Variants in PCSK5 observed in about 807,000 individuals in gnomAD.
PCSK5 encodes the protein proprotein convertase subtilisin/kexin type 5.
A neutral mutation model predicts 233.2 loss-of-function variants in PCSK5; 129 were observed. The observed-to-expected ratio is 0.55, with a 90% confidence interval of 0.48 to 0.64. The LOEUF is 0.64. Among genes scored for constraint, PCSK5 ranks in the 30% least tolerant of loss-of-function variants. The pLI is 0.00. For missense variants in PCSK5, 2,076 were observed against 2,430.1 expected (o/e 0.85, Z 3.06); for synonymous variants, 825 against 879.2 (o/e 0.94, Z 1.09).
chr9:76,350,228 A>C (rs917299877), intron 35 of PCSK5, among the ~76,000 whole-genome samples: 3 of 152,224 alleles, frequency 2.0e-5, no homozygotes, highest in Admixed American at 6.5e-5. Context: ...TCTGGGCCTT[A>C]GTTTTCATTT....
At chr9:76,310,077 G>A (rs553999455) in intron 29 of PCSK5, among the ~76,000 whole-genome samples, 2 of 152,046 alleles carry the variant, frequency 1.3e-5, no homozygotes, top group South Asian at 2.1e-4. Flanking sequence ...GTGAAACCCC[G>A]TGTCTACTAA....
intron 9 of PCSK5, among the ~76,000 whole-genome samples, chr9:76,125,043 A>G (rs10119550): frequency 0.016 from 2,351 of 151,262 alleles, 63 homozygotes; most frequent in African/African-American, 0.054. Flanking sequence ...TCCTTTCCCT[A>G]TACTCTCCTC....
At chr9:76,020,447 A>G (rs1169687196) in intron 3 of PCSK5, among the ~76,000 whole-genome samples, 2 of 152,182 alleles carry the variant, frequency 1.3e-5, no homozygotes, top group East Asian at 3.8e-4. Flanking sequence ...CAGGGTTCTG[A>G]TTTAAATGCC....
chr9:75,951,771 A>G lies in PCSK5; in HGVS notation c.297+19288A>G, dbSNP rs183789990. ...ATAAAATAAATAACAATAAAATTAA[A>G]AACAAAAATACAGTGTAACAACTAT... is the stretch of plus-strand genomic sequence containing the variant. On this transcript the variant is annotated intron_variant, in intron 2 of 37. Transcript: ENST00000674117. Among the ~76,000 whole-genome samples the G allele has an allele frequency of 5.9e-5, 9 of 152,220 alleles. No homozygotes were observed. The East Asian group carries it at 1.7e-3, about 29-fold the overall frequency.
Position 76,231,612 on chromosome 9 carries a change from TTTTG to T in PCSK5, c.2730-1833_2730-1830del, listed in dbSNP as rs749617334. ...TTTCTTATAGAAAGATTTTGGGTTT[TTTTG>T]TTTGTTTGTTTGTTCATTTTAAACT... is the stretch of plus-strand genomic sequence containing the variant. On this transcript the variant is annotated intron_variant, in intron 21 of 37. Transcript: ENST00000674117. Among the ~76,000 whole-genome samples, 39 of 152,322 alleles carry T rather than the reference TTTTG, an allele frequency of 2.6e-4. 1 individual carries two copies. In the South Asian group the frequency reaches 4.3e-3, roughly 17 times the overall value.
chr9:76,026,627 GTAA>G (rs1267368369), intron 4 of PCSK5, among the ~76,000 whole-genome samples: 1 of 152,084 alleles, frequency 6.6e-6, no homozygotes, highest in Non-Finnish European at 1.5e-5. Flanking sequence ...CAGAGAAAAG[GTAA>G]TAATGAGGAT....
chr9:75,897,330 G>A (rs1254257303), intron 1 of PCSK5, among the ~76,000 whole-genome samples: 1 of 152,018 alleles, frequency 6.6e-6, no homozygotes, highest in African/African-American at 2.4e-5. Context: ...CCCATAGGAT[G>A]ATGTGATAGC....
At position 76,173,495 on chromosome 9, in the gene PCSK5, C is replaced by CTTTT. The variant is rs1587715951; in HGVS notation, c.1757-1491_1757-1490insTTTT. Among the ~76,000 whole-genome samples, 117 of 34,584 alleles carry CTTTT rather than the reference C, an allele frequency of 3.4e-3. 4 individuals carry two copies. Among genetic ancestry groups the CTTTT allele is most frequent in the East Asian group, 6.2e-3 (7 of 1,130 alleles). 22.7% of individuals were successfully genotyped at this position (34,584 alleles called of 152,430 possible). A position where few individuals can be genotyped will look rare whatever the true frequency, so the allele number is the denominator to read the frequency against. On this transcript the variant is annotated intron_variant, in intron 13 of 37. Coordinates refer to ENST00000674117, the MANE Select transcript of PCSK5 (RefSeq NM_001372043.1). The stretch of plus-strand genomic sequence containing the variant: ...ACTTTAATGAAATGGAGGCACGTTT[C>CTTTT]CTTTTTTTTTTTTTTTTTTTTTTTT...
intron 10 of PCSK5, among the ~76,000 whole-genome samples, chr9:76,150,405 G>A (rs1016009075): frequency 6.6e-6 from 1 of 152,154 alleles, no homozygotes; most frequent in African/African-American, 2.4e-5. Flanking sequence ...AGGCTGACAC[G>A]GGCGGATCAC....
chr9:76,227,337 T>C (rs1825926551), intron 20 of PCSK5, among the ~76,000 whole-genome samples, 166 bp from the exon 21 acceptor site: 2 of 152,174 alleles, frequency 1.3e-5, no homozygotes, highest in Non-Finnish European at 2.9e-5. Flanking sequence ...GTTGTTATGA[T>C]AAGGTCAGGA....
chr9:76,105,255 T>C (rs1274962835), intron 8 of PCSK5, among the ~76,000 whole-genome samples: 2 of 152,206 alleles, frequency 1.3e-5, no homozygotes, highest in South Asian at 2.1e-4. Context: ...TTGAGGACAT[T>C]ATGCTACATG....
intron 10 of PCSK5, among the ~76,000 whole-genome samples, chr9:76,143,790 C>A (rs1180334825): frequency 6.7e-6 from 1 of 150,268 alleles, no homozygotes; most frequent in Non-Finnish European, 1.5e-5. Flanking sequence ...AAACCCCGGG[C>A]AAAGGGTGTG....
intron 7 of PCSK5, among the ~76,000 whole-genome samples, chr9:76,081,762 T>C (rs1830847151): frequency 6.6e-6 from 1 of 152,172 alleles, no homozygotes; most frequent in Admixed American, 6.5e-5. Flanking sequence ...CTCTCACTTG[T>C]TGATGGCTCT....
chr9:76,156,418 A>G (rs910047734), intron 10 of PCSK5, among the ~76,000 whole-genome samples: 6 of 152,246 alleles, frequency 3.9e-5, no homozygotes, highest in African/African-American at 9.6e-5. Context: ...TAAATTTTGT[A>G]TATGCTAGAA....
intron 3 of PCSK5, among the ~76,000 whole-genome samples, chr9:75,987,614 A>AACAGAATTTTAC (rs1434025125): frequency 1.3e-5 from 2 of 152,124 alleles, no homozygotes; most frequent in Non-Finnish European, 2.9e-5. Flanking sequence ...TTGGATCCCA[A>AACAGAATTTTAC]ACAGAATTTT....
chr9:76,353,648 AATATCCCACTTTTG>A (rs1830223744), intron 36 of PCSK5, among the ~76,000 whole-genome samples: 1 of 152,264 alleles, frequency 6.6e-6, no homozygotes, highest in African/African-American at 2.4e-5. Flanking sequence ...TTACATGTGA[AATATCCCACTTTTG>A]AGATGCGGGA....
intron 2 of PCSK5, among the ~76,000 whole-genome samples, chr9:75,944,059 A>C (rs1448776550): frequency 1.3e-5 from 2 of 152,076 alleles, no homozygotes; most frequent in Non-Finnish European, 2.9e-5. Context: ...GGTACTCGGG[A>C]GGCTGAAATG....
chr9:76,181,050 A>G (rs1823848733), intron 15 of PCSK5, among the ~76,000 whole-genome samples: 1 of 152,222 alleles, frequency 6.6e-6, no homozygotes, highest in South Asian at 2.1e-4. Context: ...ACACCTTTTT[A>G]AAGGGACCTT....
chr9:76,209,531 GATGA>G (rs769357814), intron 20 of PCSK5: 2 of 515,800 alleles, frequency 3.9e-6, no homozygotes, highest in Non-Finnish European at 7.7e-6. Flanking sequence ...ATAATTAGAT[GATGA>G]ATGAATTACT....
Sources: allele counts gnomAD v4.1 joint callset (sites outside exome capture counted in the v4.1 genomes callset), GRCh38; gene constraint gnomAD v4.1.1; transcripts MANE v1.5; gene names NCBI Gene and HGNC (gene_info 2026-07-23, HGNC 2026-07-21).